CALCR: variants seen among roughly 807,000 people sequenced by gnomAD.
CALCR encodes calcitonin receptor.
In CALCR, 47 loss-of-function variants were observed where a neutral mutation model predicts 59.5. The ratio of observed to expected loss-of-function variants is 0.79; its 90% CI spans 0.63 to 1.01. CALCR has a LOEUF of 1.01. CALCR is among the 50% of genes least tolerant of loss of function. CALCR has a pLI of 0.00. For missense variants in CALCR, 566 were observed against 597.1 expected (o/e 0.95, Z 0.54); for synonymous variants, 213 against 211.3 (o/e 1.01, Z -0.07).
chr7:93,550,837 C>T (rs1161261771), intron 2 of CALCR, among the ~76,000 whole-genome samples: 1 of 152,114 alleles, frequency 6.6e-6, no homozygotes, highest in Non-Finnish European at 1.5e-5. Flanking sequence ...GCAAAGAGTG[C>T]ACCTGTGATA....
intron 7 of CALCR, among the ~76,000 whole-genome samples, chr7:93,467,561 T>C (rs913455752): frequency 6.6e-6 from 1 of 151,720 alleles, no homozygotes; most frequent in African/African-American, 2.4e-5. Flanking sequence ...TCTACTATGT[T>C]TTAAATTTAT....
At chr7:93,487,736 G>A (rs189640010) in intron 2 of CALCR, among the ~76,000 whole-genome samples, 25 of 151,554 alleles carry the variant, frequency 1.6e-4, no homozygotes, top group African/African-American at 6.0e-4. Context: ...TGGGAGTTGT[G>A]TGAAACCTAC....
Position 93,443,682 on chromosome 7 carries a change from T to G in CALCR, c.724A>C (p.Ile242Leu), listed in dbSNP as rs1426734554. ...ACGACAATGAGTGTATGAAGATAGATCCCTTCACAGAGCATCCAGAAATAG... is the reference window on the plus strand; with the variant it reads ...ACGACAATGAGTGTATGAAGATAGAGCCCTTCACAGAGCATCCAGAAATAG... ...CNYFWMLCEG[I>L]YLHTLIVVAV... The change falls in exon 9 of 14, where the codon ATC (isoleucine) becomes CTC (leucine). Residue 242 changes from isoleucine (I) to leucine (L), a missense_variant. Physicochemically the swap from Ile to Leu is conservative, Grantham distance 5. Transcript: ENST00000426151. 6 of 1,613,268 alleles carry G rather than the reference T, an allele frequency of 3.7e-6. No homozygotes were observed. The highest frequency in any genetic ancestry group is 5.1e-6 in the Non-Finnish European group (6 of 1,179,390).
In CALCR at chr7:93,424,948, C is replaced by T. The variant is rs534815608; in HGVS notation, c.*1408G>A. Reference sequence around the variant, plus strand: ...AAATCAATTTATTATCTTTCCACAACTAAATCACTTCTGAAAGGCAGTGGC... The same window carrying T: ...AAATCAATTTATTATCTTTCCACAATTAAATCACTTCTGAAAGGCAGTGGC... On this transcript the variant is annotated 3_prime_UTR_variant, in exon 14 of 14. Transcript: ENST00000426151. 1 of 152,662 alleles carries T rather than the reference C, an allele frequency of 6.6e-6. No individual in the cohort carries two copies. The highest frequency in any genetic ancestry group is 2.4e-5 in the African/African-American group (1 of 41,554). 9.5% of individuals were successfully genotyped at this position (152,662 alleles called of 1,614,324 possible). A position where few individuals can be genotyped will look rare whatever the true frequency, so the allele number is the denominator to read the frequency against.
chr7:93,541,048 G>A (rs1398696363), intron 2 of CALCR, among the ~76,000 whole-genome samples: 1 of 151,998 alleles, frequency 6.6e-6, no homozygotes, highest in Non-Finnish European at 1.5e-5. Flanking sequence ...ATATGTTTTG[G>A]TTTATAATTT....
At chr7:93,481,390 C>A (rs1236095897) in intron 3 of CALCR, among the ~76,000 whole-genome samples, 1 of 151,602 alleles carries the variant, frequency 6.6e-6, no homozygotes, top group Non-Finnish European at 1.5e-5. Context: ...CATGTTGGAA[C>A]AAGAAAGTAC....
chr7:93,432,884 T>C (rs746663707), intron 13 of CALCR, among the ~76,000 whole-genome samples: 1 of 152,246 alleles, frequency 6.6e-6, no homozygotes, highest in Non-Finnish European at 1.5e-5. Flanking sequence ...TACTCATTTA[T>C]TAGTTTTTAT....
intron 2 of CALCR, among the ~76,000 whole-genome samples, chr7:93,501,925 T>G (rs572975140): frequency 1.3e-4 from 20 of 152,238 alleles, no homozygotes; most frequent in African/African-American, 4.1e-4. Context: ...AACTAATTGC[T>G]GCCAGGTGGG....
intron 2 of CALCR, among the ~76,000 whole-genome samples, chr7:93,522,145 C>T (rs1801777651): frequency 6.6e-6 from 1 of 151,986 alleles, no homozygotes; most frequent in African/African-American, 2.4e-5. Context: ...ATATCACTCA[C>T]ATCATAGAAA....
rs910438307 is a variant in CALCR at position 93,530,373 on chromosome 7, T to C, written c.-26-43366A>G. ...AGTTTTTGTTTGTTTTGTTTTGTTT[T>C]ACGTGCTACAAGCTATATTGATTAT... On this transcript the variant is annotated intron_variant, in intron 2 of 13. Transcript: ENST00000426151. 1.3e-5 allele frequency among the ~76,000 whole-genome samples: 2 copies of C among 152,208 alleles called. 1 individual carries two copies. The highest frequency in any genetic ancestry group is 4.1e-4 in the South Asian group (2 of 4,832).
chr7:93,544,403 A>AT (rs1299254798), intron 2 of CALCR, among the ~76,000 whole-genome samples: 1 of 151,628 alleles, frequency 6.6e-6, no homozygotes, highest in East Asian at 1.9e-4. Context: ...AAATTTGAAC[A>AT]TTTTTCATAT....
chr7:93,519,946 C>T (rs917381617), intron 2 of CALCR, among the ~76,000 whole-genome samples: 7 of 151,942 alleles, frequency 4.6e-5, no homozygotes, highest in Non-Finnish European at 1.0e-4. Flanking sequence ...AACCTCTTTC[C>T]TCTATAAATT....
At chr7:93,536,486 A>G (rs1376204599) in intron 2 of CALCR, among the ~76,000 whole-genome samples, 2 of 151,788 alleles carry the variant, frequency 1.3e-5, no homozygotes, top group Non-Finnish European at 3.0e-5. Flanking sequence ...AATTATAGAG[A>G]ATAGTGGACT....
At chr7:93,488,582 G>GCAAAAAAAAAAAAAGAAAAAAAAAAAAAA (rs770479251) in intron 2 of CALCR, among the ~76,000 whole-genome samples, 1 of 78,036 alleles carries the variant, frequency 1.3e-5, no homozygotes. Context: ...CAAATGGAAA[G>GCAAAAAAAAAAAAAGAAAAAAAAAAAAAA]AAAAAAAAAA....
intron 2 of CALCR, among the ~76,000 whole-genome samples, chr7:93,552,852 G>A (rs186547535): frequency 3.3e-5 from 5 of 152,160 alleles, no homozygotes; most frequent in East Asian, 1.9e-4. Context: ...ACTCCTCCCC[G>A]GTAAAAAGGG....
intron 2 of CALCR, among the ~76,000 whole-genome samples, chr7:93,514,605 T>TAA (rs999977419): frequency 1.3e-5 from 2 of 152,008 alleles, no homozygotes; most frequent in African/African-American, 4.8e-5. Flanking sequence ...TAAGGTAATT[T>TAA]AATTTCTTAT....
chr7:93,541,944 T>G (rs1186106708), intron 2 of CALCR, among the ~76,000 whole-genome samples: 2 of 152,208 alleles, frequency 1.3e-5, no homozygotes, highest in East Asian at 3.8e-4. Flanking sequence ...TAGCTGGTTT[T>G]TTTTGGATAT....
rs768204242 is a variant in CALCR, at chr7:93,426,334, C to G, written c.*22G>C. On this transcript the variant is annotated 3_prime_UTR_variant, in exon 14 of 14. Coordinates refer to ENST00000426151, the MANE Select transcript of CALCR (RefSeq NM_001742.4). ...CCAGGAAATGATGGCTCAGTGATCA[C>G]GATGCTGTGTTTGCTTCACATTCAA... The G allele has an allele frequency of 1.5e-6, 2 of 1,333,942 alleles. No homozygotes were observed. Among genetic ancestry groups the G allele is most frequent in the South Asian group, 2.4e-5 (2 of 85,044 alleles). The allele number at this position is 1,333,942 out of a possible 1,614,324, so 82.6% of individuals were successfully genotyped here.
chr7:93,573,706 C>T (rs577403413), intron 2 of CALCR, among the ~76,000 whole-genome samples: 1 of 152,246 alleles, frequency 6.6e-6, no homozygotes, highest in African/African-American at 2.4e-5. Context: ...TTGGGAAGAG[C>T]ATCATGAAAA....
Sources: allele counts gnomAD v4.1 joint callset (sites outside exome capture counted in the v4.1 genomes callset), GRCh38; gene constraint gnomAD v4.1.1; transcripts MANE v1.5; gene names NCBI Gene and HGNC (gene_info 2026-07-23, HGNC 2026-07-21).